Variants in DYRK4 observed in about 807,000 individuals in gnomAD.
DYRK4 encodes dual specificity tyrosine phosphorylation regulated kinase 4.
Under a neutral mutation model 68.3 loss-of-function variants are expected in DYRK4, and 64 were observed. That is an observed-to-expected ratio of 0.94 (90% confidence interval 0.77 to 1.15). The LOEUF (loss-of-function observed/expected upper bound fraction) is 1.15. Ranked by LOEUF, DYRK4 falls within the 50% of genes most tolerant of loss-of-function variation. DYRK4 has a pLI of 0.00. For missense variants in DYRK4, 740 were observed against 764.7 expected, an observed-to-expected ratio of 0.97 and a Z score of 0.38; for synonymous variants, 274 against 289.9, an observed-to-expected ratio of 0.95 and a Z score of 0.56.
chr12:4,582,956 C>G (rs1423680107), intron 2 of DYRK4, among the ~76,000 whole-genome samples: 1 of 152,050 alleles, frequency 6.6e-6, no homozygotes, highest in African/African-American at 2.4e-5. Context: ...TGAGGCCACT[C>G]AGGAGGAAGG....
Position 4,605,016 on chromosome 12 carries a change from C to G in DYRK4, c.1229C>G (p.Ala410Gly), listed in dbSNP as rs1447101371. Residue 410 changes from alanine (A) to glycine (G), a missense_variant, in exon 11 of 15, where the codon GCG becomes GGG. By Grantham distance (60) the Ala-to-Gly change is moderately conservative. Coordinates refer to ENST00000543431, the MANE Select transcript of DYRK4 (RefSeq NM_001394779.1). ...IDMWSLGCIT[A>G]ELYTGYPLFP... ...ATGTGGAGCCTGGGCTGCATCACGG[C>G]GGAGTTGTACACGGGCTACCCCCTG... 2.5e-6 allele frequency: 4 copies of G among 1,613,912 alleles called. No individual in the cohort carries two copies. The highest frequency in any genetic ancestry group is 3.4e-6 in the Non-Finnish European group (4 of 1,179,972).
chr12:4,613,519 G>A lies in DYRK4; in HGVS notation c.1671G>A (p.Glu557=), dbSNP rs760451260. 26 of 1,611,118 alleles carry A rather than the reference G, an allele frequency of 1.6e-5. No homozygotes were observed. In the Admixed American group the frequency reaches 4.2e-4, roughly 26 times the overall value. Residue 557 remains glutamate (E), a synonymous_variant, in exon 15 of 15, where the codon GAG becomes GAA. Coordinates refer to ENST00000543431, the MANE Select transcript of DYRK4 (RefSeq NM_001394779.1). This position sits in a 1 kb window ranked among gnomAD's most constrained non-coding sequence, Gnocchi z 4.0. ...QGCHHSSRKD[E]ITKETTEKTK... is the part of the protein sequence containing the mutation. Reference sequence around the variant, plus strand: ...GTCTTCTCTCTCCTTTAGCAGATGAGATCACCAAAGAGACTACAGAGAAAA... The same window carrying A: ...GTCTTCTCTCTCCTTTAGCAGATGAAATCACCAAAGAGACTACAGAGAAAA...
intron 9 of DYRK4, 104 bp downstream of exon 9, chr12:4,599,270 C>CTTTTTTT (rs71061195): frequency 2.4e-5 from 11 of 461,164 alleles, no homozygotes; most frequent in South Asian, 5.4e-5. Context: ...TTGCCTTTGA[C>CTTTTTTT]TTTTTTTTTT....
chr12:4,602,361 C>A, intron 10 of DYRK4: 1 of 907,816 alleles, frequency 1.1e-6, no homozygotes. Context: ...GCTTTTCTCT[C>A]TTTTGTTCTC....
chr12:4,609,672 T>C (rs550777876), intron 12 of DYRK4, among the ~76,000 whole-genome samples: 1 of 152,324 alleles, frequency 6.6e-6, no homozygotes, highest in African/African-American at 2.4e-5. Context: ...AGCTTTGTTA[T>C]TGATAAGACT....
At chr12:4,595,487 C>T (rs1322346341) in intron 6 of DYRK4, among the ~76,000 whole-genome samples, 1 of 152,082 alleles carries the variant, frequency 6.6e-6, no homozygotes, top group Non-Finnish European at 1.5e-5. Context: ...TTTGATTAAC[C>T]CCCTGCTCCC....
chr12:4,606,293 GCTATCTAT>G lies in DYRK4; in HGVS notation c.1300-1009_1300-1002del, dbSNP rs3083726. Among the ~76,000 whole-genome samples, 370 of 151,146 alleles carry G rather than the reference GCTATCTAT, an allele frequency of 2.4e-3. 2 individuals are homozygous for G. Among genetic ancestry groups the G allele is most frequent in the Middle Eastern group, 0.024 (7 of 292 alleles). On this transcript the variant is annotated intron_variant, in intron 11 of 14. Coordinates refer to ENST00000543431, the MANE Select transcript of DYRK4 (RefSeq NM_001394779.1). ...AAACACCAAGCTAGCTGGCTGGCTG[GCTATCTAT>G]CTATCTATCTATCTATCTATCTATG... is the stretch of plus-strand genomic sequence containing the variant.
intron 2 of DYRK4, chr12:4,580,896 G>A (rs1279896683): frequency 2.2e-6 from 1 of 455,914 alleles, no homozygotes; most frequent in Admixed American, 2.4e-5. Flanking sequence ...GGGATGGTGT[G>A]ATGGAGGTGT....
chr12:4,608,805 C>T (rs1296252801), intron 12 of DYRK4, among the ~76,000 whole-genome samples: 1 of 152,170 alleles, frequency 6.6e-6, no homozygotes, highest in African/African-American at 2.4e-5. Context: ...GAGACCTTGC[C>T]TCTGAGCAGG....
At chr12:4,587,902 G>A (rs1332801874) in intron 2 of DYRK4, among the ~76,000 whole-genome samples, 2 of 152,204 alleles carry the variant, frequency 1.3e-5, no homozygotes, top group Non-Finnish European at 2.9e-5. Flanking sequence ...AACTCCATAG[G>A]GGAGGTCTGG....
intron 9 of DYRK4, 113 bp downstream of exon 9, chr12:4,599,279 T>TTA: frequency 8.8e-7 from 1 of 1,138,174 alleles, no homozygotes; most frequent in Non-Finnish European, 1.2e-6. Flanking sequence ...ACTTTTTTTT[T>TTA]TTTTTTTTTT....
At chr12:4,563,404 G>C (rs73255453) in intron 1 of DYRK4, among the ~76,000 whole-genome samples, 2,504 of 152,314 alleles carry the variant, frequency 0.016, 81 homozygotes, top group African/African-American at 0.056. Context: ...TAGTCCTCAA[G>C]CGTGTGGAGG....
intron 2 of DYRK4, among the ~76,000 whole-genome samples, chr12:4,580,182 AG>A (rs1166249672): frequency 2.0e-5 from 3 of 152,214 alleles, no homozygotes; most frequent in African/African-American, 7.2e-5. Context: ...CTGGACCCCC[AG>A]GCTCTTGCCC....
intron 2 of DYRK4, chr12:4,573,443 T>C: frequency 3.2e-6 from 4 of 1,267,170 alleles, no homozygotes; most frequent in Non-Finnish European, 3.1e-6. Flanking sequence ...AAATTACCTT[T>C]GGTTTCTGTC....
At chr12:4,596,846 T>C in intron 8 of DYRK4, 117 bp downstream of exon 8, 2 of 1,547,524 alleles carry the variant, frequency 1.3e-6, no homozygotes, top group Non-Finnish European at 1.7e-6. Context: ...AGAATGGACA[T>C]GACAGTCACT....
intron 1 of DYRK4, among the ~76,000 whole-genome samples, chr12:4,566,382 A>G (rs7973864): frequency 0.3 from 45,975 of 152,078 alleles, 7,748 homozygotes; most frequent in African/African-American, 0.47. Context: ...TTCTGGAAAA[A>G]ACAATGTTCT....
chr12:4,573,371 C>T (rs766269474), intron 2 of DYRK4: 1 of 1,289,516 alleles, frequency 7.8e-7, no homozygotes. Flanking sequence ...GTACCAGTTC[C>T]TTTGTTCTGC....
At chr12:4,606,126 T>C (rs1945147052) in intron 11 of DYRK4, among the ~76,000 whole-genome samples, 1 of 152,266 alleles carries the variant, frequency 6.6e-6, no homozygotes, top group African/African-American at 2.4e-5. Context: ...ACTCATGATA[T>C]GATTATTAAT....
intron 1 of DYRK4, chr12:4,563,280 T>A (rs1248297197): frequency 1.0e-5 from 4 of 393,232 alleles, no homozygotes; most frequent in Admixed American, 5.7e-5. Flanking sequence ...TTGGTCCTTA[T>A]GGAGAAAGCA....
Sources: allele counts gnomAD v4.1 joint callset (sites outside exome capture counted in the v4.1 genomes callset), GRCh38; gene constraint gnomAD v4.1.1; non-coding constraint Gnocchi (gnomAD v3.1); transcripts MANE v1.5; gene names NCBI Gene and HGNC (gene_info 2026-07-23, HGNC 2026-07-21).